Variants in FHL2 observed in about 807,000 individuals in gnomAD.
FHL2 encodes four and a half LIM domains protein 2.
A neutral mutation model predicts 32.7 loss-of-function variants in FHL2; 20 were observed. The ratio of observed to expected loss-of-function variants is 0.61; its 90% CI spans 0.43 to 0.89. The LOEUF (loss-of-function observed/expected upper bound fraction) is 0.89. Among genes scored for constraint, FHL2 ranks in the 40% least tolerant of loss-of-function variants. FHL2 has a pLI of 0.00. For missense variants in FHL2, 311 were observed against 358.6 expected (o/e 0.87, Z 1.07); for synonymous variants, 123 against 128.1 (o/e 0.96, Z 0.27).
chr2:105,416,859 G>A (rs2104662812), intron 1 of FHL2, among the ~76,000 whole-genome samples: 1 of 152,302 alleles, frequency 6.6e-6, no homozygotes, highest in African/African-American at 2.4e-5. Flanking sequence ...ACTGTCAGTT[G>A]TTTCCCTTAG....
intron 1 of FHL2, among the ~76,000 whole-genome samples, chr2:105,408,446 A>C (rs1033007054): frequency 2.0e-5 from 3 of 152,216 alleles, no homozygotes; most frequent in Non-Finnish European, 4.4e-5. Context: ...TTTCCAACCA[A>C]GACTGGAACC....
rs1255333952 is a variant in FHL2 at position 105,417,900 on chromosome 2, C to T, written c.-25+20499G>A. On this transcript the variant is annotated intron_variant, in intron 1 of 5. Transcript: ENST00000393352. ...GCCACCACCTTGATTCCTGCTAAGG[C>T]ACTAGGAGTCTTCCCACCACAACTT... Among the ~76,000 whole-genome samples the T allele has an allele frequency of 2.6e-5, 4 of 152,066 alleles. No homozygotes were observed. The East Asian group carries it at 7.7e-4, about 29-fold the overall frequency.
chr2:105,364,443 G>C (rs114026323), intron 5 of FHL2, among the ~76,000 whole-genome samples: 119 of 152,318 alleles, frequency 7.8e-4, no homozygotes, highest in African/African-American at 2.8e-3. Context: ...AAATAAGCTG[G>C]ATGCCTTCAT....
At chr2:105,397,010 G>GTTTT (rs35576785) in intron 1 of FHL2, 2,386 of 108,204 alleles carry the variant, frequency 0.022, 72 homozygotes, top group Middle Eastern at 0.038. Context: ...TATCTAGTCT[G>GTTTT]TTTTTTTTTT....
rs1681982498 is a variant in FHL2 at position 105,382,686 on chromosome 2, G to A, written c.156+3675C>T. The stretch of plus-strand genomic sequence containing the variant: ...TCTGATCTGCAGATCTTTTGTTCTT[G>A]TTTATTATTTTTTTTTTCTCTTTGT... On this transcript the variant is annotated intron_variant, in intron 3 of 6. Transcript: ENST00000530340. 1.3e-5 allele frequency among the ~76,000 whole-genome samples: 2 copies of A among 151,622 alleles called. 1 individual carries two copies. The highest frequency in any genetic ancestry group is 4.1e-4 in the South Asian group (2 of 4,820).
chr2:105,422,219 A>G (rs992929762), intron 1 of FHL2, among the ~76,000 whole-genome samples: 7 of 152,162 alleles, frequency 4.6e-5, no homozygotes, highest in Non-Finnish European at 4.4e-5. Context: ...GTTTGCTTTT[A>G]TGCTTTGGGT....
intron 1 of FHL2, 141 bp from the exon 2 acceptor site, chr2:105,396,838 T>A: frequency 1.4e-6 from 1 of 701,290 alleles, no homozygotes; most frequent in Non-Finnish European, 2.4e-6. Flanking sequence ...ACCCAATGTC[T>A]AATGTTTCCA....
At chr2:105,376,477 T>C (rs1338771978) in intron 3 of FHL2, 1 of 152,224 alleles carries the variant, frequency 6.6e-6, no homozygotes, top group Non-Finnish European at 1.5e-5. Flanking sequence ...AACAAATCAT[T>C]AGAAGCCCTA....
At chr2:105,402,764 A>G (rs753866667), upstream of FHL2, among the ~76,000 whole-genome samples, 1 of 152,252 alleles carries the variant, frequency 6.6e-6, no homozygotes, top group Non-Finnish European at 1.5e-5. Flanking sequence ...CTAAGAAAAT[A>G]TGTTTTGAAA....
At chr2:105,418,236 T>C (rs574488390) in intron 1 of FHL2, among the ~76,000 whole-genome samples, 6 of 152,232 alleles carry the variant, frequency 3.9e-5, no homozygotes, top group Non-Finnish European at 7.4e-5. Flanking sequence ...GGGCTCATCA[T>C]TGAGATAGTG....
chr2:105,421,950 C>T (rs1490489615), intron 1 of FHL2, among the ~76,000 whole-genome samples: 2 of 152,192 alleles, frequency 1.3e-5, no homozygotes, highest in African/African-American at 4.8e-5. Flanking sequence ...GACCAGAGTT[C>T]ACTGGTACAT....
At chr2:105,400,051 A>G (rs1248044137), upstream of FHL2, among the ~76,000 whole-genome samples, 1 of 152,164 alleles carries the variant, frequency 6.6e-6, no homozygotes, top group Non-Finnish European at 1.5e-5. Flanking sequence ...ACAGAACTTG[A>G]GAATAAAGGG....
upstream of FHL2, chr2:105,399,178 G>A (rs1683361436): frequency 1.4e-6 from 2 of 1,401,406 alleles, no homozygotes; most frequent in Non-Finnish European, 1.8e-6. Context: ...AGGCCTCGCG[G>A]TTGCCGTGCC....
At chr2:105,420,978 A>C (rs1369784977) in intron 1 of FHL2, among the ~76,000 whole-genome samples, 1 of 152,178 alleles carries the variant, frequency 6.6e-6, no homozygotes, top group African/African-American at 2.4e-5. Context: ...CTAGTGGGAC[A>C]AGTTTTAGGA....
chr2:105,396,689 T>C lies in FHL2; in HGVS notation c.-67A>G, dbSNP rs1454055741. The C allele has an allele frequency of 3.1e-6, 5 of 1,612,700 alleles. No individual in the cohort carries two copies. The highest frequency in any genetic ancestry group is 4.2e-6 in the Non-Finnish European group (5 of 1,179,874). On this transcript the variant is annotated 5_prime_UTR_variant, in exon 2 of 7. Coordinates refer to ENST00000530340, the MANE Select transcript of FHL2 (RefSeq NM_001318895.3). Reference sequence around the variant, plus strand: ...AGCCTAGTCTCCAGGAAGACACAGTTCTCAGCCACTAGAGAAAGCACACGT... The same window carrying C: ...AGCCTAGTCTCCAGGAAGACACAGTCCTCAGCCACTAGAGAAAGCACACGT...
chr2:105,361,243 T>C lies in FHL2; in HGVS notation c.*40A>G, dbSNP rs1463367047. 2.3e-5 allele frequency: 36 copies of C among 1,583,870 alleles called. No homozygotes were observed. Among genetic ancestry groups the C allele is most frequent in the Non-Finnish European group, 2.8e-5 (32 of 1,162,206 alleles). On this transcript the variant is annotated 3_prime_UTR_variant, in exon 7 of 7. Coordinates refer to ENST00000530340, the MANE Select transcript of FHL2 (RefSeq NM_001318895.3). ...GGGTGAGAAAGAAAACATAAAAATC[T>C]GTGTGTGAGATCACAAGCAGCAACT... is the stretch of plus-strand genomic sequence containing the variant.
At chr2:105,433,243 C>T (rs35237314) in intron 1 of FHL2, among the ~76,000 whole-genome samples, 5,553 of 150,056 alleles carry the variant, frequency 0.037, 206 homozygotes, top group East Asian at 0.14. Context: ...TGCAGTGGCA[C>T]GATCTCAGCT....
intron 5 of FHL2, 52 bp from the exon 6 acceptor site, chr2:105,363,523 T>G (rs1320944920): frequency 6.6e-7 from 1 of 1,504,120 alleles, no homozygotes; most frequent in Non-Finnish European, 9.0e-7. Flanking sequence ...GGCAGACATC[T>G]TCAGTCTCAG....
At chr2:105,438,137 G>A (rs147339193) in intron 1 of FHL2, among the ~76,000 whole-genome samples, 26 of 152,296 alleles carry the variant, frequency 1.7e-4, no homozygotes, top group African/African-American at 5.5e-4. Flanking sequence ...CAATGAGCAG[G>A]GGTTCTCTAT....
Sources: allele counts gnomAD v4.1 joint callset (sites outside exome capture counted in the v4.1 genomes callset), GRCh38; gene constraint gnomAD v4.1.1; transcripts MANE v1.5; gene names NCBI Gene and HGNC (gene_info 2026-07-23, HGNC 2026-07-21).